ANKDD1B: variants seen among roughly 807,000 people sequenced by gnomAD.
ANKDD1B encodes ankyrin repeat and death domain-containing protein 1B.
A neutral mutation model predicts 59.7 loss-of-function variants in ANKDD1B; 57 were observed. The ratio of observed to expected loss-of-function variants is 0.95; its 90% CI spans 0.77 to 1.19. The LOEUF is 1.19. Ranked by LOEUF, ANKDD1B falls within the 50% of genes most tolerant of loss-of-function variation. The pLI is 0.00. For synonymous variants in ANKDD1B, 216 were observed against 239.5 expected, an observed-to-expected ratio of 0.90 and a Z score of 0.91; for missense variants, 602 against 641.9, an observed-to-expected ratio of 0.94 and a Z score of 0.67.
chr5:75,669,346 TGAAGAGCTGGTACAC>T lies in ANKDD1B; in HGVS notation c.1490_1504del (p.Glu497_His501del). 1.6e-6 allele frequency: 2 copies of T among 1,232,122 alleles called. No individual in the cohort carries two copies. Among genetic ancestry groups the T allele is most frequent in the Non-Finnish European group, 2.0e-6 (2 of 987,932 alleles). 76.3% of individuals were successfully genotyped at this position (1,232,122 alleles called of 1,614,324 possible). On this transcript the variant is annotated inframe_deletion, in exon 13 of 14. Coordinates refer to ENST00000601380, the MANE Select transcript of ANKDD1B (RefSeq NM_001276713.2). Reference sequence around the variant, plus strand: ...AGGGTGACCCGGCCAAGCAACTGTATGAAGAGCTGGTACACGCAGGTTTCCCAAAACTAGCTGGTA... The same window carrying T: ...AGGGTGACCCGGCCAAGCAACTGTATGCAGGTTTCCCAAAACTAGCTGGTA...
At chr5:75,621,857 A>G (rs1236049689) in intron 3 of ANKDD1B, among the ~76,000 whole-genome samples, 1 of 152,348 alleles carries the variant, frequency 6.6e-6, no homozygotes. Context: ...TCTCTGAAGC[A>G]TGACTATTTC....
intron 5 of ANKDD1B, among the ~76,000 whole-genome samples, chr5:75,631,275 G>T (rs1774148490): frequency 6.6e-6 from 1 of 152,198 alleles, no homozygotes; most frequent in African/African-American, 2.4e-5. Context: ...CTTACCTTCT[G>T]CATGATAATT....
At chr5:75,668,252 C>A (rs1229379661) in intron 12 of ANKDD1B, among the ~76,000 whole-genome samples, 1 of 152,024 alleles carries the variant, frequency 6.6e-6, no homozygotes, top group African/African-American at 2.4e-5. Context: ...GCTCTCTAAG[C>A]CATGCATGTT....
intron 7 of ANKDD1B, among the ~76,000 whole-genome samples, chr5:75,644,910 A>G: frequency 8.8e-6 from 1 of 113,262 alleles, no homozygotes; most frequent in African/African-American, 6.4e-5. Flanking sequence ...CTCAGACCAC[A>G]GTGCAATCAA....
In ANKDD1B at chr5:75,669,310, C is replaced by T; in HGVS notation, c.1452C>T (p.Thr484=). 7 of 1,232,152 alleles carry T rather than the reference C, an allele frequency of 5.7e-6. No individual in the cohort carries two copies. Among genetic ancestry groups the T allele is most frequent in the Non-Finnish European group, 7.1e-6 (7 of 987,950 alleles). 76.3% of individuals were successfully genotyped at this position (1,232,152 alleles called of 1,614,324 possible). A position where few individuals can be genotyped will look rare whatever the true frequency, so the allele number is the denominator to read the frequency against. ...HRALLIWLHG[T]LMTQGDPAKQ... ...CTCTGCTTATCTGGCTACACGGGAC[C>T]CTGATGACTCAGGGTGACCCGGCCA... The change falls in exon 13 of 14, where the codon ACC becomes ACT. Residue 484 remains threonine, a synonymous_variant. Coordinates refer to ENST00000601380, the MANE Select transcript of ANKDD1B (RefSeq NM_001276713.2).
chr5:75,655,232 C>T (rs1053891432), intron 8 of ANKDD1B, among the ~76,000 whole-genome samples: 2 of 152,068 alleles, frequency 1.3e-5, no homozygotes, highest in East Asian at 1.9e-4. Context: ...TGAGAGGGGC[C>T]GGGGGCTCCA....
At chr5:75,656,155 G>T in intron 9 of ANKDD1B, 28 bp downstream of exon 9, 1 of 1,163,770 alleles carries the variant, frequency 8.6e-7, no homozygotes, top group Non-Finnish European at 1.2e-6. Context: ...GAGCCTGGAG[G>T]GTCTCTTTTC....
chr5:75,666,827 C>A lies in ANKDD1B; in HGVS notation c.1227C>A (p.Gly409=). ...AGAGCATCAGGGACCCGTCAACAGGCTTTACTCTGACATTCAAGCAAGATC... is the reference window on the plus strand; with the variant it reads ...AGAGCATCAGGGACCCGTCAACAGGATTTACTCTGACATTCAAGCAAGATC... ...HHESIRDPST[G]FTLTFKQDHS... Residue 409 remains glycine, a synonymous_variant, in exon 12 of 14, where the codon GGC becomes GGA. Coordinates refer to ENST00000601380, the MANE Select transcript of ANKDD1B (RefSeq NM_001276713.2). 1 of 1,535,958 alleles carries A rather than the reference C, an allele frequency of 6.5e-7. No individual in the cohort carries two copies. The highest frequency in any genetic ancestry group is 8.7e-7 in the Non-Finnish European group (1 of 1,146,820).
At chr5:75,617,216 C>G (rs889838110) in intron 2 of ANKDD1B, among the ~76,000 whole-genome samples, 1 of 152,082 alleles carries the variant, frequency 6.6e-6, no homozygotes, top group Non-Finnish European at 1.5e-5. Flanking sequence ...CCTGGATTGT[C>G]GCCTGTGGAT....
intron 7 of ANKDD1B, among the ~76,000 whole-genome samples, chr5:75,644,105 C>A (rs1275887272): frequency 2.8e-5 from 3 of 108,520 alleles, no homozygotes; most frequent in Non-Finnish European, 4.9e-5. Context: ...AAGCGCTAAA[C>A]ATGGAAAGGA....
intron 5 of ANKDD1B, among the ~76,000 whole-genome samples, chr5:75,631,711 C>T (rs1303003387): frequency 6.6e-6 from 1 of 152,134 alleles, no homozygotes; most frequent in Non-Finnish European, 1.5e-5. Flanking sequence ...CTGATAGATA[C>T]TGACAAGCTG....
chr5:75,660,887 C>T (rs145417724), intron 10 of ANKDD1B, among the ~76,000 whole-genome samples: 4 of 152,228 alleles, frequency 2.6e-5, no homozygotes, highest in East Asian at 3.9e-4. Context: ...TGACTGCTTC[C>T]GAAACTTGCA....
intron 7 of ANKDD1B, among the ~76,000 whole-genome samples, chr5:75,642,399 G>A (rs1167777869): frequency 8.0e-5 from 12 of 149,154 alleles, no homozygotes; most frequent in East Asian, 5.9e-4. Flanking sequence ...CGCACCGTGC[G>A]CGAGCCGAAG....
chr5:75,631,563 G>A (rs1045610933), intron 5 of ANKDD1B, among the ~76,000 whole-genome samples: 13 of 152,116 alleles, frequency 8.5e-5, no homozygotes, highest in Admixed American at 5.2e-4. Flanking sequence ...ATTCTTGTGG[G>A]GCATGAGCCT....
chr5:75,611,639 A>AC lies in ANKDD1B; in HGVS notation c.9dup (p.Ala4ArgfsTer66). 8.1e-7 allele frequency: 1 copy of AC among 1,229,018 alleles called. No individual in the cohort carries two copies. Among genetic ancestry groups the AC allele is most frequent in the East Asian group, 3.2e-5 (1 of 31,468 alleles). The allele number at this position is 1,229,018 out of a possible 1,614,324, so 76.1% of individuals were successfully genotyped here. A position where few individuals can be genotyped will look rare whatever the true frequency, so the allele number is the denominator to read the frequency against. On this transcript the variant is annotated frameshift_variant, in exon 1 of 14. Coordinates refer to ENST00000601380, the MANE Select transcript of ANKDD1B (RefSeq NM_001276713.2). LOFTEE classifies it high-confidence loss of function. The stretch of plus-strand genomic sequence containing the variant: ...TCAGGGCCCGCGGAGGAGACTATGG[A>AC]CCCCGCCGGGCGCGCCCGGGGCCAA...
At chr5:75,652,063 G>A (rs1462881072) in intron 7 of ANKDD1B, among the ~76,000 whole-genome samples, 2 of 152,224 alleles carry the variant, frequency 1.3e-5, no homozygotes, top group African/African-American at 4.8e-5. Flanking sequence ...GATGAGGGGA[G>A]TGGCAAGGTT....
chr5:75,611,915 C>T (rs1416293912), intron 1 of ANKDD1B, 88 bp downstream of exon 1: 22 of 1,086,710 alleles, frequency 2.0e-5, no homozygotes, highest in South Asian at 9.3e-5. Flanking sequence ...GCAGCACCTC[C>T]GGACGCTGCA....
At chr5:75,640,646 T>C (rs1774439590) in intron 7 of ANKDD1B, among the ~76,000 whole-genome samples, 1 of 152,178 alleles carries the variant, frequency 6.6e-6, no homozygotes, top group Non-Finnish European at 1.5e-5. Context: ...AAGGAGGTCA[T>C]GAAGAGTGCA....
At chr5:75,620,828 C>A (rs1033354026) in intron 3 of ANKDD1B, among the ~76,000 whole-genome samples, 2 of 152,164 alleles carry the variant, frequency 1.3e-5, no homozygotes, top group African/African-American at 2.4e-5. Flanking sequence ...ACACACACAA[C>A]TTTATGCCAT....
Sources: gnomAD v4.1 joint callset for allele counts (sites outside exome capture counted in the v4.1 genomes callset) on GRCh38, gnomAD v4.1.1 for gene constraint, MANE v1.5 for transcripts, NCBI Gene and HGNC (gene_info 2026-07-23, HGNC 2026-07-21) for gene names.